Variants in PTGS1 observed in about 807,000 individuals in gnomAD.
PTGS1 encodes prostaglandin G/H synthase 1.
In PTGS1, 40 loss-of-function variants were observed where a neutral mutation model predicts 63.0. The observed-to-expected ratio is 0.63, with a 90% confidence interval of 0.49 to 0.83. The LOEUF is 0.83. Ranked by LOEUF, PTGS1 falls within the 40% of genes least tolerant of loss-of-function variation. The pLI is 0.00. For synonymous variants in PTGS1, 298 were observed against 301.9 expected (o/e 0.99, Z 0.13); for missense variants, 709 against 786.5 (o/e 0.90, Z 1.18).
At chr9:122,384,821 C>T (rs1837774682) in intron 8 of PTGS1, among the ~76,000 whole-genome samples, 1 of 151,964 alleles carries the variant, frequency 6.6e-6, no homozygotes, top group African/African-American at 2.4e-5. Flanking sequence ...GGGATTCCCC[C>T]TCGCGTCTAC....
intron 9 of PTGS1, among the ~76,000 whole-genome samples, chr9:122,387,100 G>T (rs911358399): frequency 2.0e-5 from 3 of 151,982 alleles, no homozygotes; most frequent in Non-Finnish European, 4.4e-5. Context: ...ATAAACCATA[G>T]TAGAAAAGCC....
chr9:122,394,482 C>G lies in PTGS1; in HGVS notation c.*1938C>G, dbSNP rs1838465383. ...ATCCTTCCCTGCTCTTGCAGTTGCT[C>G]TGACGTAGAAAGATCCTTCGGGTGC... is the stretch of plus-strand genomic sequence containing the variant. On this transcript the variant is annotated 3_prime_UTR_variant, in exon 11 of 11. Coordinates refer to ENST00000362012, the MANE Select transcript of PTGS1 (RefSeq NM_000962.4). 6.6e-6 allele frequency: 1 copy of G among 152,234 alleles called. No individual in the cohort carries two copies. 9.4% of individuals were successfully genotyped at this position (152,234 alleles called of 1,614,324 possible).
rs896575181 is a variant in PTGS1 at position 122,383,818 on chromosome 9, CG to C, written c.1009+70del. ...TCCCTCCATCCTGAGAAGTTGGGGG[CG>C]GGGGGGTACTTAGAGGTGGAGGCTG... On this transcript the variant is annotated intron_variant, in intron 8 of 10. Transcript: ENST00000362012. 65 of 1,568,828 alleles carry C rather than the reference CG, an allele frequency of 4.1e-5. 1 individual carries two copies. Among genetic ancestry groups the C allele is most frequent in the African/African-American group, 1.5e-4 (11 of 74,326 alleles).
At chr9:122,376,439 TGCCCAGGTCAA>T (rs1379876747) in intron 2 of PTGS1, among the ~76,000 whole-genome samples, 1 of 151,076 alleles carries the variant, frequency 6.6e-6, no homozygotes, top group African/African-American at 2.4e-5. Context: ...AGGACTCTGC[TGCCCAGGTCAA>T]GCCCTGTGCT....
Position 122,383,534 on chromosome 9 carries a change from C to T in PTGS1, c.788C>T (p.Pro263Leu). 2 of 1,612,110 alleles carry T rather than the reference C, an allele frequency of 1.2e-6. No individual in the cohort carries two copies. Among genetic ancestry groups the T allele is most frequent in the Non-Finnish European group, 1.7e-6 (2 of 1,178,376 alleles). ...GTGCTGGATGGAGAAATGTACCCGC[C>T]CTCGGTAGAAGAGGCGCCTGTGTTG... ...YQVLDGEMYP[P>L]SVEEAPVLMH... is the part of the protein sequence containing the mutation. The change falls in exon 8 of 11, where the codon CCC becomes CTC. Residue 263 changes from proline (P) to leucine (L), a missense_variant. By Grantham distance (98) the Pro-to-Leu change is moderately conservative. Coordinates refer to ENST00000362012, the MANE Select transcript of PTGS1 (RefSeq NM_000962.4).
rs752020183 is a variant in PTGS1, at chr9:122,378,041, CCTT to C, written c.211+28_211+30del. 7.5e-6 allele frequency: 12 copies of C among 1,592,592 alleles called. No individual in the cohort carries two copies. In the Admixed American group the frequency reaches 1.7e-4, roughly 22 times the overall value. On this transcript the variant is annotated intron_variant, in intron 3 of 10. Coordinates refer to ENST00000362012, the MANE Select transcript of PTGS1 (RefSeq NM_000962.4). ...GTGAGCTGGGCCTTCAGCCCTCACT[CCTT>C]CCGTCTTGAGCCCTTCTGCTCCCCG...
rs1837667397 is a variant in PTGS1, at chr9:122,383,498, C to T, written c.763-11C>T. 2 of 1,587,826 alleles carry T rather than the reference C, an allele frequency of 1.3e-6. No homozygotes were observed. The highest frequency in any genetic ancestry group is 1.3e-5 in the African/African-American group (1 of 74,432). The stretch of plus-strand genomic sequence containing the variant: ...CCCAACCCCAGGTTGCCAGGTGGCC[C>T]CATCCCACAGGTGCTGGATGGAGAA... On this transcript the variant is annotated splice_polypyrimidine_tract_variant and intron_variant, in intron 7 of 10. Transcript: ENST00000362012.
intron 8 of PTGS1, among the ~76,000 whole-genome samples, chr9:122,385,408 G>A (rs9299280): frequency 0.27 from 41,557 of 151,318 alleles, 9,210 homozygotes; most frequent in African/African-American, 0.61. Context: ...GCTCCAGGTC[G>A]ATTTCCAAAA....
In PTGS1 at chr9:122,394,050, G is replaced by T. The variant is rs1180773017; in HGVS notation, c.*1506G>T. The T allele has an allele frequency of 6.6e-6, 1 of 152,282 alleles. No homozygotes were observed. Among genetic ancestry groups the T allele is most frequent in the Non-Finnish European group, 1.5e-5 (1 of 68,100 alleles). 9.4% of individuals were successfully genotyped at this position (152,282 alleles called of 1,614,324 possible). A position where few individuals can be genotyped will look rare whatever the true frequency, so the allele number is the denominator to read the frequency against. Reference sequence around the variant, plus strand: ...AACAGACCATAAATAAGGAAACGATGAAATAAGATATATACAAGGTGAGTG... The same window carrying T: ...AACAGACCATAAATAAGGAAACGATTAAATAAGATATATACAAGGTGAGTG... On this transcript the variant is annotated 3_prime_UTR_variant, in exon 11 of 11. Coordinates refer to ENST00000362012, the MANE Select transcript of PTGS1 (RefSeq NM_000962.4).
rs767772589 is a variant in PTGS1 at position 122,378,485 on chromosome 9, C to T, written c.264C>T (p.Thr88=). ...CACTGCGGCCCAGCCCCTCTTTCAC[C>T]CACTTCCTGCTCACTCACGGGCGCT... ...RNSLRPSPSF[T]HFLLTHGRWF... The change falls in exon 4 of 11, where the codon ACC becomes ACT. Residue 88 remains threonine (T), a synonymous_variant. Coordinates refer to ENST00000362012, the MANE Select transcript of PTGS1 (RefSeq NM_000962.4). 1 of 1,614,222 alleles carries T rather than the reference C, an allele frequency of 6.2e-7. No individual in the cohort carries two copies.
intron 8 of PTGS1, among the ~76,000 whole-genome samples, chr9:122,385,723 G>C (rs953265097): frequency 6.6e-6 from 1 of 151,850 alleles, no homozygotes; most frequent in Admixed American, 6.6e-5. Context: ...TATCACCGAG[G>C]GTGTCAGCAT....
Position 122,383,635 on chromosome 9 carries a change from C to G in PTGS1, c.889C>G (p.Leu297Val). The change falls in exon 8 of 11, where the codon CTC becomes GTC. Residue 297 changes from leucine (L) to valine (V), a missense_variant. Leu to Val is a conservative substitution (Grantham distance 32). Coordinates refer to ENST00000362012, the MANE Select transcript of PTGS1 (RefSeq NM_000962.4). Reference protein sequence around the residue: ...GQEVFGLLPGLMLYATLWLRE... With the variant: ...GQEVFGLLPGVMLYATLWLRE... Reference sequence around the variant, plus strand: ...GGAGGTGTTTGGGCTGCTTCCTGGGCTCATGCTGTATGCCACGCTCTGGCT... The same window carrying G: ...GGAGGTGTTTGGGCTGCTTCCTGGGGTCATGCTGTATGCCACGCTCTGGCT... The G allele has an allele frequency of 6.2e-7, 1 of 1,614,172 alleles. No individual in the cohort carries two copies. Among genetic ancestry groups the G allele is most frequent in the Non-Finnish European group, 8.5e-7 (1 of 1,180,042 alleles).
In PTGS1 at chr9:122,394,769, A is replaced by T. The variant is rs1345277782; in HGVS notation, c.*2225A>T. 1 of 151,966 alleles carries T rather than the reference A, an allele frequency of 6.6e-6. No individual in the cohort carries two copies. Among genetic ancestry groups the T allele is most frequent in the Non-Finnish European group, 1.5e-5 (1 of 68,042 alleles). 9.4% of individuals were successfully genotyped at this position (151,966 alleles called of 1,614,324 possible). Reference sequence around the variant, plus strand: ...CATCCCCACAGCTGGCTCTGACAAGATGGTCCATTTGTTCCTGCTTCCGAG... The same window carrying T: ...CATCCCCACAGCTGGCTCTGACAAGTTGGTCCATTTGTTCCTGCTTCCGAG... On this transcript the variant is annotated 3_prime_UTR_variant, in exon 11 of 11. Coordinates refer to ENST00000362012, the MANE Select transcript of PTGS1 (RefSeq NM_000962.4).
At chr9:122,377,769 G>A (rs1588123353) in intron 2 of PTGS1, 130 bp from the exon 3 acceptor site, 2 of 767,606 alleles carry the variant, frequency 2.6e-6, no homozygotes, top group East Asian at 2.6e-5. Context: ...TGAAGCCCTG[G>A]CACCCAGTGA....
At chr9:122,382,043 G>A (rs772159943) in intron 7 of PTGS1, among the ~76,000 whole-genome samples, 5 of 152,184 alleles carry the variant, frequency 3.3e-5, no homozygotes, top group African/African-American at 4.8e-5. Flanking sequence ...AATTGGACAC[G>A]AGAATATACC....
intron 9 of PTGS1, among the ~76,000 whole-genome samples, chr9:122,389,824 G>T (rs1415812401): frequency 6.6e-6 from 1 of 152,122 alleles, no homozygotes; most frequent in South Asian, 2.1e-4. Flanking sequence ...AGCCAGGCAT[G>T]GTGGCACGTG....
chr9:122,384,479 C>T (rs1250255579), intron 8 of PTGS1, among the ~76,000 whole-genome samples: 1 of 152,168 alleles, frequency 6.6e-6, no homozygotes, highest in African/African-American at 2.4e-5. Flanking sequence ...GGAAGAGGGG[C>T]TGGTTCTGAA....
Position 122,390,210 on chromosome 9 carries a change from A to C in PTGS1, c.1309A>C (p.Arg437=), listed in dbSNP as rs1411445405. Residue 437 remains arginine (R), a synonymous_variant, in exon 10 of 11, where the codon AGG becomes CGG. Coordinates refer to ENST00000362012, the MANE Select transcript of PTGS1 (RefSeq NM_000962.4). ...RQIAGRIGGG[R]NMDHHILHVA... Reference sequence around the variant, plus strand: ...TCTCTCTCGGCAGATCGGTGGGGGCAGGAACATGGACCACCACATCCTGCA... The same window carrying C: ...TCTCTCTCGGCAGATCGGTGGGGGCCGGAACATGGACCACCACATCCTGCA... The C allele has an allele frequency of 1.2e-6, 2 of 1,613,756 alleles. No individual in the cohort carries two copies. Among genetic ancestry groups the C allele is most frequent in the African/African-American group, 2.7e-5 (2 of 74,866 alleles).
chr9:122,384,441 G>A (rs1449756510), intron 8 of PTGS1, among the ~76,000 whole-genome samples: 2 of 152,118 alleles, frequency 1.3e-5, no homozygotes, highest in Admixed American at 6.5e-5. Context: ...GAAGAGCCAG[G>A]CATTGGGAAT....
Sources: allele counts gnomAD v4.1 joint callset (sites outside exome capture counted in the v4.1 genomes callset), GRCh38; gene constraint gnomAD v4.1.1; transcripts MANE v1.5; gene names NCBI Gene and HGNC (gene_info 2026-07-23, HGNC 2026-07-21).